The following CBLB variants were observed in gnomAD, a reference collection of about 807,000 sequenced individuals.
CBLB encodes the protein E3 ubiquitin-protein ligase CBL-B.
A neutral mutation model predicts 104.9 loss-of-function variants in CBLB; 31 were observed. The ratio of observed to expected loss-of-function variants is 0.30; its 90% confidence interval spans 0.22 to 0.40. The LOEUF (loss-of-function observed/expected upper bound fraction) is 0.40, where lower values mean the gene tolerates loss of function less well. CBLB is among the 10% of genes least tolerant of loss of function. The pLI is 1.00. For synonymous variants in CBLB, 440 were observed against 422.6 expected (o/e 1.04, Z -0.51); for missense variants, 1,062 against 1,214.6 (o/e 0.87, Z 1.87).
chr3:105,786,611 C>T (rs2081058930), intron 3 of CBLB, among the ~76,000 whole-genome samples: 1 of 152,168 alleles, frequency 6.6e-6, no homozygotes, highest in South Asian at 2.1e-4. Flanking sequence ...AGAAAAACCT[C>T]TTAGTTCTAA....
chr3:105,844,053 G>C (rs775806129), intron 3 of CBLB, among the ~76,000 whole-genome samples: 3 of 152,202 alleles, frequency 2.0e-5, no homozygotes, highest in African/African-American at 7.2e-5. Context: ...AAAATCACTG[G>C]TGTTTTTGTA....
chr3:105,848,464 A>G (rs1205673697), intron 3 of CBLB, among the ~76,000 whole-genome samples: 1 of 152,092 alleles, frequency 6.6e-6, no homozygotes, highest in Non-Finnish European at 1.5e-5. Flanking sequence ...TATTTATTAC[A>G]TTTATGTAAA....
chr3:105,744,490 T>C (rs1353069608), intron 6 of CBLB, among the ~76,000 whole-genome samples: 3 of 152,294 alleles, frequency 2.0e-5, no homozygotes, highest in Admixed American at 6.5e-5. Context: ...TTAGTCTAAA[T>C]AGAAGATTTC....
intron 3 of CBLB, among the ~76,000 whole-genome samples, chr3:105,801,940 GGAT>G (rs2082926138): frequency 6.6e-6 from 1 of 152,180 alleles, no homozygotes; most frequent in Non-Finnish European, 1.5e-5. Flanking sequence ...GAAGTTGCCT[GGAT>G]TCTAAAAGGG....
intron 3 of CBLB, among the ~76,000 whole-genome samples, chr3:105,805,091 T>A (rs1422187454): frequency 6.6e-6 from 1 of 152,104 alleles, no homozygotes; most frequent in African/African-American, 2.4e-5. Flanking sequence ...TTCCAATCTA[T>A]CACCTTTAAC....
chr3:105,805,184 G>C (rs2083349134), intron 3 of CBLB, among the ~76,000 whole-genome samples: 1 of 151,956 alleles, frequency 6.6e-6, no homozygotes, highest in African/African-American at 2.4e-5. Context: ...AATGCCAATG[G>C]TACCCTAATT....
chr3:105,801,271 T>TC (rs2082834944), intron 3 of CBLB, among the ~76,000 whole-genome samples: 1 of 152,172 alleles, frequency 6.6e-6, no homozygotes, highest in South Asian at 2.1e-4. Flanking sequence ...TTATAAAACC[T>TC]AGGTAGAGGA....
intron 14 of CBLB, among the ~76,000 whole-genome samples, chr3:105,682,694 G>A (rs1007552677): frequency 6.6e-6 from 1 of 151,958 alleles, no homozygotes; most frequent in Non-Finnish European, 1.5e-5. Flanking sequence ...TTTTTAGTAG[G>A]GTTTTGCCAT....
rs34208930 is a variant in CBLB at position 105,702,476 on chromosome 3, GAAAAAA to G, written c.1594-23_1594-18del. ...AGGAGAAGACTAAAGAAACAGAAGA[GAAAAAA>G]AAAAAAAAAAAAAAAAACTAAAGGT... On this transcript the variant is annotated intron_variant, in intron 11 of 18. Coordinates refer to ENST00000394030, the MANE Select transcript of CBLB (RefSeq NM_170662.5). 4.2e-4 allele frequency: 118 copies of G among 279,528 alleles called. No individual in the cohort carries two copies. Among genetic ancestry groups the G allele is most frequent in the Non-Finnish European group, 5.4e-4 (103 of 192,018 alleles). 17.3% of individuals were successfully genotyped at this position (279,528 alleles called of 1,614,324 possible). A position where few individuals can be genotyped will look rare whatever the true frequency, so the allele number is the denominator to read the frequency against.
intron 5 of CBLB, among the ~76,000 whole-genome samples, chr3:105,749,383 T>C (rs2152903400): frequency 6.6e-6 from 1 of 152,316 alleles, no homozygotes; most frequent in East Asian, 1.9e-4. Flanking sequence ...CCCTTTCTTT[T>C]CCCATCCCAG....
chr3:105,705,955 G>A (rs2070061370), intron 10 of CBLB, among the ~76,000 whole-genome samples: 3 of 152,212 alleles, frequency 2.0e-5, no homozygotes, highest in Admixed American at 2.0e-4. Flanking sequence ...GGGCAACATG[G>A]CAAGACCTCC....
rs1360949118 is a variant in CBLB at position 105,734,165 on chromosome 3, AGTAAT to A, written c.1072-30_1072-26del. ...CCTGGAATTTGGGGAGGAGGGAGAA[AGTAAT>A]GTTAATGTATTTCCAGCACAAATTG... On this transcript the variant is annotated intron_variant, in intron 8 of 18. Transcript: ENST00000394030. 3 of 1,611,798 alleles carry A rather than the reference AGTAAT, an allele frequency of 1.9e-6. No individual in the cohort carries two copies. The East Asian group carries it at 6.7e-5, about 36-fold the overall frequency.
At chr3:105,746,144 A>C (rs2076079710) in intron 5 of CBLB, 106 bp from the exon 6 acceptor site, 1 of 812,748 alleles carries the variant, frequency 1.2e-6, no homozygotes, top group Admixed American at 2.3e-5. Context: ...TGGATATTTT[A>C]AAAGTTAATC....
Position 105,702,180 on chromosome 3 carries a change from C to G in CBLB, c.1873G>C (p.Val625Leu), listed in dbSNP as rs1279436531. The G allele has an allele frequency of 1.2e-6, 2 of 1,614,120 alleles. No individual in the cohort carries two copies. The highest frequency in any genetic ancestry group is 1.7e-5 in the Admixed American group (1 of 60,026). ...CCCACTCTACTGTGCCTTCCATTGA[C>G]ATTTGAACTCGCTGTGATTCCAGGT... is the stretch of plus-strand genomic sequence containing the variant. ...PKPGITASSNVNGRHSRVGSD... is the reference protein window; with the variant it reads ...PKPGITASSNLNGRHSRVGSD... The change falls in exon 12 of 19, where the codon GTC (valine) becomes CTC (leucine). Residue 625 changes from valine (V) to leucine (L), a missense_variant. By Grantham distance (32) the Val-to-Leu change is conservative. This residue lies in a region of CBLB where 605 missense variants were observed against 582.6 expected (regional missense o/e 1.04). Coordinates refer to ENST00000394030, the MANE Select transcript of CBLB (RefSeq NM_170662.5).
chr3:105,798,484 A>G (rs12633654), intron 3 of CBLB, among the ~76,000 whole-genome samples: 17,830 of 152,252 alleles, frequency 0.12, 1,267 homozygotes, highest in East Asian at 0.41. Context: ...TTGGCACGTT[A>G]CATTATAACC....
intron 10 of CBLB, among the ~76,000 whole-genome samples, chr3:105,718,877 T>C (rs1212839595): frequency 6.6e-6 from 1 of 152,226 alleles, no homozygotes; most frequent in Non-Finnish European, 1.5e-5. Context: ...TATCTTCCTG[T>C]ACAGGGAATA....
In CBLB at chr3:105,758,360, A is replaced by AT. The variant is rs2077267643; in HGVS notation, c.567-6743dup. Among the ~76,000 whole-genome samples, 4 of 152,314 alleles carry AT rather than the reference A, an allele frequency of 2.6e-5. No homozygotes were observed. The South Asian group carries it at 6.2e-4, about 24-fold the overall frequency. On this transcript the variant is annotated intron_variant, in intron 4 of 18. Transcript: ENST00000394030. ...AATTCCTGACACGATAAAGACACAG[A>AT]TGCTGGGTATTTATGCTGCATAATT...
intron 4 of CBLB, among the ~76,000 whole-genome samples, chr3:105,759,317 C>T (rs752662068): frequency 2.6e-5 from 4 of 152,126 alleles, no homozygotes; most frequent in Non-Finnish European, 4.4e-5. Context: ...GAAAAAGCTC[C>T]ATAAGTTTTC....
At chr3:105,695,272 G>A (rs2068214336) in intron 12 of CBLB, among the ~76,000 whole-genome samples, 1 of 151,756 alleles carries the variant, frequency 6.6e-6, no homozygotes, top group Non-Finnish European at 1.5e-5. Context: ...GGGAATAATA[G>A]TTTCAGCTGT....
Sources: allele counts gnomAD v4.1 joint callset (sites outside exome capture counted in the v4.1 genomes callset), GRCh38; gene constraint gnomAD v4.1.1; regional missense constraint gnomAD v4.1.1; transcripts MANE v1.5; gene names NCBI Gene and HGNC (gene_info 2026-07-23, HGNC 2026-07-21).